The following DCLK2 variants were observed in gnomAD, a reference collection of about 807,000 sequenced individuals.
The protein encoded by DCLK2 is doublecortin like kinase 2, also known as serine/threonine-protein kinase DCLK2.
DCLK2 carries 31 observed loss-of-function variants against 78.4 expected under a neutral mutation model. The ratio of observed to expected loss-of-function variants is 0.40; its 90% CI spans 0.30 to 0.53. The LOEUF is 0.53. Ranked by LOEUF, DCLK2 falls within the 20% of genes least tolerant of loss-of-function variation. The probability of loss-of-function intolerance (pLI) is 0.61; values close to 1 mark genes in which losing one functional copy is unlikely to be tolerated. For synonymous variants in DCLK2, 407 were observed against 374.9 expected, an observed-to-expected ratio of 1.09 and a Z score of -0.99; for missense variants, 872 against 973.7, an observed-to-expected ratio of 0.90 and a Z score of 1.39.
At chr4:150,218,695 G>A (rs186223723) in intron 5 of DCLK2, among the ~76,000 whole-genome samples, 1 of 152,274 alleles carries the variant, frequency 6.6e-6, no homozygotes, top group East Asian at 1.9e-4. Flanking sequence ...TGACCCAGCT[G>A]CCTGTGGCCT....
intron 7 of DCLK2, among the ~76,000 whole-genome samples, chr4:150,222,538 ACT>A (rs1741261805): frequency 6.6e-6 from 1 of 152,040 alleles, no homozygotes; most frequent in South Asian, 2.1e-4. Flanking sequence ...ATGAGCTCTG[ACT>A]CTGTTTAAGA....
chr4:150,079,302 C>G lies in DCLK2; in HGVS notation c.275C>G (p.Ser92Cys), dbSNP rs1445229184. ...TTCAAGGGCCTGGTGTTTGCCATCT[C>G]CAGCGACCGCTTCCGGTCCTTCGAT... ...RYFKGLVFAI[S>C]SDRFRSFDAL... Residue 92 changes from serine (S) to cysteine (C), a missense_variant, in exon 1 of 16, where the codon TCC (serine) becomes TGC (cysteine). Coordinates refer to ENST00000296550, the MANE Select transcript of DCLK2 (RefSeq NM_001040260.4). The G allele has an allele frequency of 6.3e-7, 1 of 1,596,316 alleles. No homozygotes were observed. Among genetic ancestry groups the G allele is most frequent in the Non-Finnish European group, 8.5e-7 (1 of 1,171,780 alleles).
intron 12 of DCLK2, among the ~76,000 whole-genome samples, chr4:150,243,002 T>C (rs1197571065): frequency 6.6e-6 from 1 of 152,200 alleles, no homozygotes; most frequent in East Asian, 1.9e-4. Flanking sequence ...TAACCCAAGC[T>C]GGGATCAGCT....
chr4:150,160,881 C>T (rs572451032), intron 2 of DCLK2, among the ~76,000 whole-genome samples: 2 of 152,108 alleles, frequency 1.3e-5, no homozygotes, highest in Non-Finnish European at 2.9e-5. Context: ...AATTAAAGCT[C>T]CAGAGAGGCT....
intron 4 of DCLK2, among the ~76,000 whole-genome samples, chr4:150,199,659 G>A (rs1418568618): frequency 6.6e-6 from 1 of 152,148 alleles, no homozygotes; most frequent in African/African-American, 2.4e-5. Flanking sequence ...AATTAACAAT[G>A]AGCATTTTTA....
At chr4:150,125,502 C>G (rs1025904970) in intron 2 of DCLK2, among the ~76,000 whole-genome samples, 2 of 152,084 alleles carry the variant, frequency 1.3e-5, no homozygotes, top group African/African-American at 2.4e-5. Flanking sequence ...GTTTTATATA[C>G]TATTTTGAGC....
At chr4:150,102,856 T>C in intron 2 of DCLK2, 44 bp downstream of exon 2, 2 of 1,522,008 alleles carry the variant, frequency 1.3e-6, no homozygotes, top group Non-Finnish European at 1.8e-6. Flanking sequence ...ACTTTTAAAC[T>C]CCCTGTGCCA....
At chr4:150,168,815 A>G (rs910974469) in intron 2 of DCLK2, among the ~76,000 whole-genome samples, 2 of 152,174 alleles carry the variant, frequency 1.3e-5, no homozygotes, top group Non-Finnish European at 2.9e-5. Context: ...ATTCTCACTG[A>G]TCAGTTCTGC....
intron 15 of DCLK2, 49 bp from the exon 16 acceptor site, chr4:150,255,971 C>G (rs1744525556): frequency 6.3e-7 from 1 of 1,591,210 alleles, no homozygotes; most frequent in Admixed American, 1.7e-5. Context: ...GCAGCTGGGA[C>G]CCGAGCCTGG....
At chr4:150,245,429 T>TAGG (rs149836342) in intron 12 of DCLK2, among the ~76,000 whole-genome samples, 2,489 of 152,292 alleles carry the variant, frequency 0.016, 79 homozygotes, top group African/African-American at 0.056. Context: ...GCAGGTTTGT[T>TAGG]ACATATGTAT....
chr4:150,254,305 T>C (rs1744409723), intron 15 of DCLK2: 1 of 398,258 alleles, frequency 2.5e-6, no homozygotes, highest in African/African-American at 2.1e-5. Flanking sequence ...ATTGCCTTAA[T>C]TTAAGATAGA....
chr4:150,081,725 T>C (rs528013051), intron 1 of DCLK2, among the ~76,000 whole-genome samples: 1 of 151,764 alleles, frequency 6.6e-6, no homozygotes, highest in South Asian at 2.1e-4. Context: ...GGTACAATAG[T>C]TCACGTCTGT....
intron 2 of DCLK2, among the ~76,000 whole-genome samples, chr4:150,147,647 A>G (rs763149178): frequency 1.4e-5 from 2 of 140,820 alleles, no homozygotes; most frequent in Non-Finnish European, 3.2e-5. Context: ...CCCATTATGT[A>G]CAATTTGTAT....
chr4:150,215,103 C>A (rs1363752928), intron 5 of DCLK2, among the ~76,000 whole-genome samples: 1 of 152,136 alleles, frequency 6.6e-6, no homozygotes, highest in Non-Finnish European at 1.5e-5. Flanking sequence ...TCAAGTTTGT[C>A]CTTTTATTAA....
At chr4:150,114,100 G>A (rs1006651810) in intron 2 of DCLK2, among the ~76,000 whole-genome samples, 1 of 152,162 alleles carries the variant, frequency 6.6e-6, no homozygotes, top group African/African-American at 2.4e-5. Context: ...ATTGTGGTCT[G>A]AGAAGATACT....
At chr4:150,148,851 G>C (rs1734671722) in intron 2 of DCLK2, among the ~76,000 whole-genome samples, 1 of 151,392 alleles carries the variant, frequency 6.6e-6, no homozygotes, top group South Asian at 2.1e-4. Flanking sequence ...TGGGTAACAT[G>C]GTGAAACCCC....
In DCLK2 at chr4:150,190,236, TA is replaced by T. The variant is rs1560850749; in HGVS notation, c.757-2901del. On this transcript the variant is annotated intron_variant, in intron 2 of 15. Transcript: ENST00000296550. ...ATAGATAGATGGATAGATGGATAGT[TA>T]GATAGATAGATAGATAGATAGATAG... Among the ~76,000 whole-genome samples the T allele has an allele frequency of 2.0e-3, 50 of 25,334 alleles. No individual in the cohort carries two copies. The East Asian group carries it at 0.077, about 39-fold the overall frequency. The allele number at this position is 25,334 out of a possible 152,430, so 16.6% of individuals were successfully genotyped here. A position where few individuals can be genotyped will look rare whatever the true frequency, so the allele number is the denominator to read the frequency against.
intron 1 of DCLK2, among the ~76,000 whole-genome samples, chr4:150,080,877 T>G (rs1729213308): frequency 6.6e-6 from 1 of 152,232 alleles, no homozygotes; most frequent in Non-Finnish European, 1.5e-5. Flanking sequence ...GCTTGTGACT[T>G]CACCCATTCT....
chr4:150,199,092 A>G lies in DCLK2; in HGVS notation c.961+989A>G, dbSNP rs1270200932. ...CCAAATCCCCAGGTGAGCCATGACT[A>G]TTGTGGCTTTGTTGCTCTGCTGGGT... On this transcript the variant is annotated intron_variant, in intron 4 of 15. Coordinates refer to ENST00000296550, the MANE Select transcript of DCLK2 (RefSeq NM_001040260.4). 3.1e-6 allele frequency: 5 copies of G among 1,593,420 alleles called. No individual in the cohort carries two copies. In the African/African-American group the frequency reaches 6.7e-5, roughly 21 times the overall value.
Sources: allele counts gnomAD v4.1 joint callset (sites outside exome capture counted in the v4.1 genomes callset), GRCh38; gene constraint gnomAD v4.1.1; transcripts MANE v1.5; gene names NCBI Gene and HGNC (gene_info 2026-07-23, HGNC 2026-07-21).